The following TRNT1 variants were observed in gnomAD, a reference collection of about 807,000 sequenced individuals.
TRNT1 encodes the protein tRNA nucleotidyl transferase 1.
TRNT1 carries 44 observed loss-of-function variants against 45.6 expected under a neutral mutation model. The observed-to-expected ratio is 0.97, with a 90% confidence interval of 0.76 to 1.24. TRNT1 has a LOEUF of 1.24. Ranked by LOEUF, TRNT1 falls within the 50% of genes most tolerant of loss-of-function variation. The pLI is 0.00. For synonymous variants in TRNT1, 201 were observed against 171.4 expected (o/e 1.17, Z -1.35); for missense variants, 633 against 504.4 (o/e 1.25, Z -2.44).
chr3:3,133,311 T>C (rs1705128191), intron 2 of TRNT1, among the ~76,000 whole-genome samples: 1 of 152,106 alleles, frequency 6.6e-6, no homozygotes, highest in Admixed American at 6.5e-5. Context: ...CCCAGCACTT[T>C]GGGAGGCCGA....
rs1183603876 is a variant in TRNT1 at position 3,132,736 on chromosome 3, AAAAAAAAACAC to A, written c.148+3557_148+3567del. 5.3e-5 allele frequency among the ~76,000 whole-genome samples: 7 copies of A among 133,086 alleles called. No homozygotes were observed. The South Asian group carries it at 8.8e-4, about 17-fold the overall frequency. 87.3% of individuals were successfully genotyped at this position (133,086 alleles called of 152,430 possible). On this transcript the variant is annotated intron_variant, in intron 2 of 7. Coordinates refer to ENST00000251607, the MANE Select transcript of TRNT1 (RefSeq NM_182916.3). ...AAAACATATACCTATTGAAGGAAAA[AAAAAAAAACAC>A]AAAAAAAAAACACTGGATTTTCTCC...
Position 3,147,668 on chromosome 3 carries a change from G to C in TRNT1, c.1021G>C (p.Asp341His). 6.2e-7 allele frequency: 1 copy of C among 1,613,414 alleles called. No homozygotes were observed. The highest frequency in any genetic ancestry group is 8.5e-7 in the Non-Finnish European group (1 of 1,179,644). Residue 341 changes from aspartate to histidine, a missense_variant, in exon 7 of 8, where the codon GAC (aspartate) becomes CAC (histidine). Coordinates refer to ENST00000251607, the MANE Select transcript of TRNT1 (RefSeq NM_182916.3). The stretch of plus-strand genomic sequence containing the variant: ...TTTAATTAAAGCAACAGATAGTTCA[G>C]ACCCATTGAAACCCTATCAAGACTT... ...KDLIKATDSS[D>H]PLKPYQDFII...
Position 3,147,599 on chromosome 3 carries a change from G to A in TRNT1, c.952G>A (p.Glu318Lys). 6.2e-7 allele frequency: 1 copy of A among 1,613,932 alleles called. No homozygotes were observed. Among genetic ancestry groups the A allele is most frequent in the South Asian group, 1.1e-5 (1 of 91,074 alleles). Residue 318 changes from glutamate (E) to lysine (K), a missense_variant, in exon 7 of 8, where the codon GAG (glutamate) becomes AAG (lysine). Physicochemically the swap from Glu to Lys is moderately conservative, Grantham distance 56 (BLOSUM62 1). Coordinates refer to ENST00000251607, the MANE Select transcript of TRNT1 (RefSeq NM_182916.3). ...KLDLRLKIAKEEKNLGLFIVK... is the reference protein window; with the variant it reads ...KLDLRLKIAKKEKNLGLFIVK... ...GGATTTGAGGTTGAAGATCGCAAAA[G>A]AGGAGAAAAACCTTGGCTTATTTAT...
intron 2 of TRNT1, chr3:3,131,173 T>TA (rs1306930985): frequency 1.3e-5 from 2 of 152,208 alleles, no homozygotes; most frequent in Admixed American, 1.3e-4. Flanking sequence ...AATTCAGACT[T>TA]ACCACATTTT....
In TRNT1 at chr3:3,136,749, G is replaced by T. The variant is rs778544156; in HGVS notation, c.149-511G>T. 4.4e-5 allele frequency: 17 copies of T among 385,766 alleles called. 1 individual carries two copies. The highest frequency in any genetic ancestry group is 3.3e-4 in the South Asian group (17 of 50,754). The allele number at this position is 385,766 out of a possible 1,614,324, so 23.9% of individuals were successfully genotyped here. On this transcript the variant is annotated intron_variant, in intron 2 of 7. Coordinates refer to ENST00000251607, the MANE Select transcript of TRNT1 (RefSeq NM_182916.3). ...AGCTCACCGCAGCCTTGAACTCCTG[G>T]GCTCAAGCCATCCTCCCACCTCAGC...
At chr3:3,137,510 T>A in intron 3 of TRNT1, 57 bp downstream of exon 3, 1 of 1,422,278 alleles carries the variant, frequency 7.0e-7, no homozygotes, top group Non-Finnish European at 9.5e-7. Flanking sequence ...TTTAAAAACT[T>A]AATTTTCTCT....
Position 3,129,088 on chromosome 3 carries a change from G to T in TRNT1, c.48G>T (p.Arg16Ser), listed in dbSNP as rs1020067463. ...YHWHRPVLNRRWSRLCLPKQY... is the reference protein window; with the variant it reads ...YHWHRPVLNRSWSRLCLPKQY... ...GGCACAGGCCAGTGCTGAACCGTAG[G>T]TGGAGTAGGCTGTGCCTTCCGAAGC... The change falls in exon 2 of 8, where the codon AGG becomes AGT. Residue 16 changes from arginine to serine, a missense_variant. Coordinates refer to ENST00000251607, the MANE Select transcript of TRNT1 (RefSeq NM_182916.3). 1.9e-6 allele frequency: 3 copies of T among 1,613,886 alleles called. No individual in the cohort carries two copies. The African/African-American group carries it at 4.0e-5, about 22-fold the overall frequency.
At chr3:3,150,698 A>T (rs954423886), downstream of TRNT1, 1 of 658,832 alleles carries the variant, frequency 1.5e-6, no homozygotes, top group Non-Finnish European at 2.5e-6. Flanking sequence ...TATACTTAAA[A>T]GTTTCAAATA....
At chr3:3,149,428 G>A (rs1477278016), downstream of TRNT1, 50 of 150,406 alleles carry the variant, frequency 3.3e-4, no homozygotes, top group Non-Finnish European at 1.5e-5. Flanking sequence ...GTATATGTGT[G>A]TTTTTACAGA....
chr3:3,137,623 T>C lies in TRNT1; in HGVS notation c.342+170T>C, dbSNP rs572461658. 5.3e-5 allele frequency among the ~76,000 whole-genome samples: 8 copies of C among 152,352 alleles called. No homozygotes were observed. The South Asian group carries it at 1.7e-3, about 32-fold the overall frequency. On this transcript the variant is annotated intron_variant, in intron 3 of 7. Transcript: ENST00000251607. ...TTCTTGCAGCCATGTTTACTTTTTA[T>C]GTTACCTCTCCATTTCTAAAAAGAC...
chr3:3,150,976 T>C (rs200533689), downstream of TRNT1: 27 of 1,613,972 alleles, frequency 1.7e-5, no homozygotes, highest in African/African-American at 3.5e-4. Flanking sequence ...ACATGTCTTT[T>C]TTGGTGGCCG....
downstream of TRNT1, chr3:3,153,232 C>T: frequency 1.8e-6 from 1 of 544,316 alleles, no homozygotes; most frequent in Admixed American, 3.3e-5. Context: ...TGAATAATCC[C>T]TGACATGCAT....
intron 4 of TRNT1, among the ~76,000 whole-genome samples, chr3:3,143,086 C>T (rs1288237100): frequency 6.6e-6 from 1 of 152,206 alleles, no homozygotes; most frequent in Non-Finnish European, 1.5e-5. Context: ...TTGTCAGTGC[C>T]TCTTTTCTGT....
chr3:3,151,689 T>C (rs986684548), downstream of TRNT1, among the ~76,000 whole-genome samples: 2 of 152,158 alleles, frequency 1.3e-5, no homozygotes, highest in African/African-American at 4.8e-5. Context: ...CCAAGTAAGA[T>C]AGGGCAATCC....
rs1706232060 is a variant in TRNT1 at position 3,148,641 on chromosome 3, T to C, written c.*487T>C. On this transcript the variant is annotated 3_prime_UTR_variant, in exon 8 of 8. Coordinates refer to ENST00000251607, the MANE Select transcript of TRNT1 (RefSeq NM_182916.3). Reference sequence around the variant, plus strand: ...TGACCAAGTAAGTTTGCATAAAATGTGAATACTAAATGTGTCCCCAGTTGC... The same window carrying C: ...TGACCAAGTAAGTTTGCATAAAATGCGAATACTAAATGTGTCCCCAGTTGC... The C allele has an allele frequency of 6.5e-6, 1 of 152,862 alleles. No individual in the cohort carries two copies. The highest frequency in any genetic ancestry group is 1.5e-5 in the Non-Finnish European group (1 of 68,556). The allele number at this position is 152,862 out of a possible 1,614,324, so 9.5% of individuals were successfully genotyped here.
intron 1 of TRNT1, 140 bp from the exon 2 acceptor site, chr3:3,128,874 A>C: frequency 1.5e-6 from 1 of 658,298 alleles, no homozygotes; most frequent in East Asian, 2.7e-5. Flanking sequence ...TAATCCCTCA[A>C]ACTGACACCG....
intron 6 of TRNT1, 126 bp downstream of exon 6, chr3:3,146,749 A>T: frequency 5.3e-6 from 5 of 949,586 alleles, no homozygotes; most frequent in Non-Finnish European, 7.6e-6. Context: ...TTTTAAAATA[A>T]GACAAAGTTT....
At chr3:3,128,498 C>T (rs1704748797) in intron 1 of TRNT1, among the ~76,000 whole-genome samples, 1 of 143,692 alleles carries the variant, frequency 7.0e-6, no homozygotes, top group African/African-American at 2.6e-5. Flanking sequence ...ACTTGGGATG[C>T]TGAGGCAGGA....
chr3:3,128,457 G>T (rs979842077), intron 1 of TRNT1, among the ~76,000 whole-genome samples: 6 of 152,178 alleles, frequency 3.9e-5, no homozygotes, highest in Non-Finnish European at 7.4e-5. Flanking sequence ...AAATTAGCCG[G>T]ATGTGGTGGT....
Sources: gnomAD v4.1 joint callset for allele counts (sites outside exome capture counted in the v4.1 genomes callset) on GRCh38, gnomAD v4.1.1 for gene constraint, MANE v1.5 for transcripts, NCBI Gene and HGNC (gene_info 2026-07-23, HGNC 2026-07-21) for gene names.